Variants in HAUS4 observed in about 807,000 individuals in gnomAD.
The protein encoded by HAUS4 is HAUS augmin-like complex subunit 4.
A neutral mutation model predicts 50.6 loss-of-function variants in HAUS4; 34 were observed. That is an observed-to-expected ratio of 0.67 (90% confidence interval 0.51 to 0.90). The LOEUF is 0.90. Among genes scored for constraint, HAUS4 ranks in the 40% least tolerant of loss-of-function variants. HAUS4 has a pLI of 0.00. For synonymous variants in HAUS4, 149 were observed against 161.4 expected (o/e 0.92, Z 0.58); for missense variants, 370 against 428.7 (o/e 0.86, Z 1.21).
At chr14:22,949,250 C>T (rs537485484) in intron 6 of HAUS4, among the ~76,000 whole-genome samples, 1 of 151,370 alleles carries the variant, frequency 6.6e-6, no homozygotes, top group Non-Finnish European at 1.5e-5. Flanking sequence ...ACATTCAGGG[C>T]CAGGCACAGT....
chr14:22,947,824 G>C lies in HAUS4; in HGVS notation c.708+44C>G, dbSNP rs756508487. 4 of 1,610,714 alleles carry C rather than the reference G, an allele frequency of 2.5e-6. No individual in the cohort carries two copies. In the South Asian group the frequency reaches 4.4e-5, roughly 18 times the overall value. On this transcript the variant is annotated intron_variant, in intron 7 of 9. Transcript: ENST00000541587. ...CTTTGTCTTCCCCAAAAGTGCTCCTGGGGTCAGGATAAAGGAAAGGGGCTG... is the reference window on the plus strand; with the variant it reads ...CTTTGTCTTCCCCAAAAGTGCTCCTCGGGTCAGGATAAAGGAAAGGGGCTG...
intron 6 of HAUS4, among the ~76,000 whole-genome samples, chr14:22,948,454 C>CA (rs2044685080): frequency 1.7e-4 from 10 of 58,968 alleles, no homozygotes; most frequent in African/African-American, 5.8e-4. Flanking sequence ...AAAAAAAAAG[C>CA]GGGGGGGGGG....
Position 22,957,082 on chromosome 14 carries a change from A to C in HAUS4, c.-189T>G, listed in dbSNP as rs899365649. The C allele has an allele frequency of 6.5e-6, 1 of 152,984 alleles. No individual in the cohort carries two copies. Among genetic ancestry groups the C allele is most frequent in the African/African-American group, 2.4e-5 (1 of 41,462 alleles). 9.5% of individuals were successfully genotyped at this position (152,984 alleles called of 1,614,324 possible). A position where few individuals can be genotyped will look rare whatever the true frequency, so the allele number is the denominator to read the frequency against. On this transcript the variant is annotated 5_prime_UTR_variant, in exon 1 of 10. Transcript: ENST00000541587. ...GGGGAAGCGAGGCCCGGAAAGACCA[A>C]GCTGAAAGGCCCGGGAAGGGGAAGG...
chr14:22,947,591 C>T lies in HAUS4; in HGVS notation c.839+10G>A. 6.2e-7 allele frequency: 1 copy of T among 1,613,894 alleles called. No homozygotes were observed. Among genetic ancestry groups the T allele is most frequent in the Non-Finnish European group, 8.5e-7 (1 of 1,179,936 alleles). On this transcript the variant is annotated intron_variant, in intron 8 of 9. Coordinates refer to ENST00000541587, the MANE Select transcript of HAUS4 (RefSeq NM_001166269.2). ...AGAATCCCTTAAGATCCACAGGGGT[C>T]ACAGCTCACCTCAGCTTAAGGATCA...
At chr14:22,949,549 A>G (rs1393692162) in intron 6 of HAUS4, among the ~76,000 whole-genome samples, 8 of 151,550 alleles carry the variant, frequency 5.3e-5, no homozygotes, top group Admixed American at 3.9e-4. Flanking sequence ...AAAAAAAAAA[A>G]AGAGATACAC....
Position 22,950,875 on chromosome 14 carries a change from A to G in HAUS4, c.466-465T>C, listed in dbSNP as rs550999772. ...TAATAGAATCCTAGCAGAGATTTAAACTGATGACATAACACTAAGCACTAT... is the reference window on the plus strand; with the variant it reads ...TAATAGAATCCTAGCAGAGATTTAAGCTGATGACATAACACTAAGCACTAT... On this transcript the variant is annotated intron_variant, in intron 5 of 9. Coordinates refer to ENST00000541587, the MANE Select transcript of HAUS4 (RefSeq NM_001166269.2). Among the ~76,000 whole-genome samples, 6 of 152,360 alleles carry G rather than the reference A, an allele frequency of 3.9e-5. No individual in the cohort carries two copies. The East Asian group carries it at 1.2e-3, about 29-fold the overall frequency.
At chr14:22,955,330 C>A in intron 1 of HAUS4, 154 bp from the exon 2 acceptor site, 1 of 629,280 alleles carries the variant, frequency 1.6e-6, no homozygotes, top group South Asian at 1.8e-5. Flanking sequence ...CATCCTGGGT[C>A]CCAAGCTCTT....
intron 5 of HAUS4, 106 bp from the exon 6 acceptor site, chr14:22,950,516 C>T: frequency 1.6e-6 from 1 of 621,790 alleles, no homozygotes; most frequent in Non-Finnish European, 2.9e-6. Context: ...AAAGAAAATG[C>T]ATCAAGAGAC....
intron 6 of HAUS4, 64 bp downstream of exon 6, chr14:22,950,250 C>T: frequency 1.2e-6 from 1 of 817,442 alleles, no homozygotes; most frequent in South Asian, 1.6e-5. Flanking sequence ...ATATATTATT[C>T]TCAAAAGAGC....
chr14:22,951,543 C>T lies in HAUS4; in HGVS notation c.465+12G>A, dbSNP rs756450597. 3 of 1,613,576 alleles carry T rather than the reference C, an allele frequency of 1.9e-6. No individual in the cohort carries two copies. ...CATTTCATTTATTTGGTTCCAATATCTCCCCGCCAACCTCTGAGAGTGGCA... is the reference window on the plus strand; with the variant it reads ...CATTTCATTTATTTGGTTCCAATATTTCCCCGCCAACCTCTGAGAGTGGCA... On this transcript the variant is annotated intron_variant, in intron 5 of 9. Coordinates refer to ENST00000541587, the MANE Select transcript of HAUS4 (RefSeq NM_001166269.2).
intron 1 of HAUS4, chr14:22,956,676 G>A (rs1190897328): frequency 6.6e-6 from 1 of 152,156 alleles, no homozygotes; most frequent in African/African-American, 2.4e-5. Context: ...AATTCTTAGA[G>A]CTGTCTTTAC....
chr14:22,955,171 T>A lies in HAUS4; in HGVS notation c.-17A>T. ...GGATGCCATTTGATTTTCTTGGGAT[T>A]CTAATCTGTGGAACCAAGAAGTGAA... On this transcript the variant is annotated 5_prime_UTR_variant, in exon 2 of 10. Transcript: ENST00000541587. 2 of 1,596,018 alleles carry A rather than the reference T, an allele frequency of 1.3e-6. No individual in the cohort carries two copies. Among genetic ancestry groups the A allele is most frequent in the Non-Finnish European group, 1.7e-6 (2 of 1,163,496 alleles).
rs149965606 is a variant in HAUS4 at position 22,955,129 on chromosome 14, G to A, written c.26C>T (p.Pro9Leu). Residue 9 changes from proline to leucine, a missense_variant, in exon 2 of 10, where the codon CCT (proline) becomes CTT (leucine). Coordinates refer to ENST00000541587, the MANE Select transcript of HAUS4 (RefSeq NM_001166269.2). Reference protein sequence around the residue: MASGDFCSPGEGMEILQQV... With the variant: MASGDFCSLGEGMEILQQV... Reference sequence around the variant, plus strand: ...TTGAAGTATTTCCATCCCTTCTCCAGGTGAGCAGAAATCCCCGGATGCCAT... The same window carrying A: ...TTGAAGTATTTCCATCCCTTCTCCAAGTGAGCAGAAATCCCCGGATGCCAT... The A allele has an allele frequency of 1.2e-6, 2 of 1,612,296 alleles. No homozygotes were observed.
At chr14:22,956,105 T>G (rs1348873383) in intron 1 of HAUS4, among the ~76,000 whole-genome samples, 1 of 152,224 alleles carries the variant, frequency 6.6e-6, no homozygotes, top group Non-Finnish European at 1.5e-5. Flanking sequence ...ACATTTGGTT[T>G]ACTCGATCGT....
chr14:22,950,383 G>T lies in HAUS4; in HGVS notation c.493C>A (p.Gln165Lys), dbSNP rs1282328053. Residue 165 changes from glutamine (Q) to lysine (K), a missense_variant, in exon 6 of 10, where the codon CAG (glutamine) becomes AAG (lysine). Gln to Lys is a moderately conservative substitution (Grantham distance 53). Coordinates refer to ENST00000541587, the MANE Select transcript of HAUS4 (RefSeq NM_001166269.2). ...TTGAGCTGCTCCTCTACTTCTTGCT[G>T]TAGCCGAGCCCTCATCCACACAAAA... ...EDFVWMRARL[Q>K]QEVEEQLKKK... 1 of 1,612,612 alleles carries T rather than the reference G, an allele frequency of 6.2e-7. No homozygotes were observed.
Position 22,952,675 on chromosome 14 carries a change from T to G in HAUS4, c.64A>C (p.Lys22Gln). The stretch of plus-strand genomic sequence containing the variant: ...CTCAGGTTACAAGGAGGAAGTTGTT[T>G]GCTGCACACTTAACATCATGTCCCC... ...GMEILQQVCS[K>Q]QLPPCNLSKE... Residue 22 changes from lysine (K) to glutamine (Q), a missense_variant, in exon 3 of 10, where the codon AAA becomes CAA. Coordinates refer to ENST00000541587, the MANE Select transcript of HAUS4 (RefSeq NM_001166269.2). 6.2e-7 allele frequency: 1 copy of G among 1,600,364 alleles called. No homozygotes were observed. The highest frequency in any genetic ancestry group is 2.2e-5 in the East Asian group (1 of 44,844).
Position 22,947,605 on chromosome 14 carries a change from G to A in HAUS4, c.835C>T (p.Leu279=). 6.2e-7 allele frequency: 1 copy of A among 1,614,134 alleles called. No individual in the cohort carries two copies. The highest frequency in any genetic ancestry group is 8.5e-7 in the Non-Finnish European group (1 of 1,180,002). ...TCCACAGGGGTCACAGCTCACCTCAGCTTAAGGATCATAGCACCGCACTTG... is the reference window on the plus strand; with the variant it reads ...TCCACAGGGGTCACAGCTCACCTCAACTTAAGGATCATAGCACCGCACTTG... ...EVKCGAMILK[L]RMEELKILSD... is the part of the protein sequence containing the mutation. Residue 279 remains leucine, a synonymous_variant, in exon 8 of 10, where the codon CTG becomes TTG. Transcript: ENST00000541587.
At position 22,952,310 on chromosome 14, in the gene HAUS4, G is replaced by A. The variant is rs377316889; in HGVS notation, c.330+18C>T. On this transcript the variant is annotated intron_variant, in intron 4 of 9. Coordinates refer to ENST00000541587, the MANE Select transcript of HAUS4 (RefSeq NM_001166269.2). ...TGGGATTACAGGTGTTAGCCACCAC[G>A]CCCAGCCTTTGCCTCACCTTTTTGT... The A allele has an allele frequency of 2.7e-5, 44 of 1,608,994 alleles. No individual in the cohort carries two copies. The highest frequency in any genetic ancestry group is 2.4e-4 in the African/African-American group (18 of 74,926).
chr14:22,951,757 C>T, intron 4 of HAUS4, 68 bp from the exon 5 acceptor site: 1 of 1,419,344 alleles, frequency 7.0e-7, no homozygotes, highest in Non-Finnish European at 9.6e-7. Context: ...CCTCTTCCAT[C>T]CTTATGAACC....
Sources: gnomAD v4.1 joint callset for allele counts (sites outside exome capture counted in the v4.1 genomes callset) on GRCh38, gnomAD v4.1.1 for gene constraint, MANE v1.5 for transcripts, NCBI Gene and HGNC (gene_info 2026-07-23, HGNC 2026-07-21) for gene names.